Variants in NSDHL observed in about 807,000 individuals in gnomAD.
The protein encoded by NSDHL is NAD(P) dependent 3-beta-hydroxysteroid dehydrogenase NSDHL, also known as sterol-4-alpha-carboxylate 3-dehydrogenase, decarboxylating.
Under a neutral mutation model 23.0 loss-of-function variants are expected in NSDHL, and 1 was observed. The observed-to-expected ratio is 0.04, with a 90% CI of 0.02 to 0.21. NSDHL has a LOEUF of 0.21. NSDHL is among the 10% of genes least tolerant of loss of function. The pLI is 1.00. For missense variants in NSDHL, 237 were observed against 300.9 expected, an observed-to-expected ratio of 0.79 and a Z score of 1.57; for synonymous variants, 128 against 121.1, an observed-to-expected ratio of 1.06 and a Z score of -0.37.
In NSDHL at chrX:152,868,999, C is replaced by G. The variant is rs1222229552; in HGVS notation, c.1005C>G (p.Phe335Leu). 2 of 1,210,219 alleles carry G rather than the reference C, an allele frequency of 1.7e-6. No individual in the cohort carries two copies. Among genetic ancestry groups the G allele is most frequent in the Non-Finnish European group, 2.2e-6 (2 of 895,055 alleles). Residue 335 changes from phenylalanine to leucine, a missense_variant, in exon 8 of 8, where the codon TTC becomes TTG. Around this residue, in one of 3 missense-constraint regions of NSDHL, gnomAD observed 117 missense variants for 99.5 expected, o/e 1.18. Transcript: ENST00000370274. ...TGCGGGTCGCACTGGCTGGCACATT[C>G]CACTACTACAGCTGCGAGAGAGCCA... ...TPMRVALAGT[F>L]HYYSCERAKK... is the part of the protein sequence containing the mutation.
intron 4 of NSDHL, 121 bp from the exon 5 acceptor site, chrX:152,862,475 T>C: frequency 1.6e-6 from 1 of 642,692 alleles, no homozygotes; most frequent in Non-Finnish European, 2.5e-6. Context: ...AAATAATTTC[T>C]TCAGTGCCTC....
intron 3 of NSDHL, among the ~76,000 whole-genome samples, chrX:152,856,107 C>CA (rs1556846925): frequency 3.6e-5 from 4 of 111,680 alleles, no homozygotes; most frequent in African/African-American, 1.3e-4. Flanking sequence ...CTGGGTTTTG[C>CA]CGATTACATC....
rs1489703712 is a variant in NSDHL, at chrX:152,862,591, G to A, written c.415-5G>A. The A allele has an allele frequency of 1.7e-6, 2 of 1,206,181 alleles. 1 individual carries two copies. The highest frequency in any genetic ancestry group is 2.2e-6 in the Non-Finnish European group (2 of 891,939). ...CTTTTATTTTTTCTGACCTTCCTCT[G>A]TCAGAAACTCATTTTAACCAGCAGT... On this transcript the variant is annotated splice_region_variant and splice_polypyrimidine_tract_variant and intron_variant, in intron 4 of 7. Coordinates refer to ENST00000370274, the MANE Select transcript of NSDHL (RefSeq NM_015922.3).
intron 4 of NSDHL, among the ~76,000 whole-genome samples, chrX:152,860,797 A>T (rs1933515385): frequency 8.9e-6 from 1 of 112,258 alleles, no homozygotes; most frequent in African/African-American, 3.2e-5. Context: ...AAACAACATT[A>T]CTGGCATGTG....
Position 152,869,269 on chromosome X carries a change from T to C in NSDHL, c.*153T>C. 1.9e-6 allele frequency: 1 copy of C among 519,095 alleles called. No homozygotes were observed. Among genetic ancestry groups the C allele is most frequent in the Non-Finnish European group, 3.4e-6 (1 of 296,010 alleles). 42.8% of individuals were successfully genotyped at this position (519,095 alleles called of 1,213,427 possible). A position where few individuals can be genotyped will look rare whatever the true frequency, so the allele number is the denominator to read the frequency against. ...GCGCACCCTACTCTTTCCGTGACGA[T>C]GAGGGCGGCAAAAACAGACATTTCT... On this transcript the variant is annotated 3_prime_UTR_variant, in exon 8 of 8. Transcript: ENST00000370274.
chrX:152,869,458 G>A lies in NSDHL; in HGVS notation c.*342G>A, dbSNP rs1933674803. The A allele has an allele frequency of 2.7e-5, 8 of 291,982 alleles. No individual in the cohort carries two copies. Among genetic ancestry groups the A allele is most frequent in the Admixed American group, 5.0e-5 (1 of 20,165 alleles). The allele number at this position is 291,982 out of a possible 1,213,427, so 24.1% of individuals were successfully genotyped here. A position where few individuals can be genotyped will look rare whatever the true frequency, so the allele number is the denominator to read the frequency against. The stretch of plus-strand genomic sequence containing the variant: ...TTGTACATAATCAAGGAAGCTGTAG[G>A]AAGCTACAACCCATTTGTTAGTTCT... On this transcript the variant is annotated 3_prime_UTR_variant, in exon 8 of 8. Transcript: ENST00000370274.
chrX:152,834,183 TG>T (rs1933057007), intron 1 of NSDHL, among the ~76,000 whole-genome samples: 1 of 111,821 alleles, frequency 8.9e-6, no homozygotes, highest in African/African-American at 3.3e-5. Context: ...TCACCTTCCC[TG>T]GGGAGGGGGA....
intron 6 of NSDHL, 105 bp downstream of exon 6, chrX:152,866,066 G>T: frequency 1.1e-6 from 1 of 916,848 alleles, no homozygotes; most frequent in South Asian, 2.0e-5. Context: ...TTTCTTATGT[G>T]ACTGTCTTGG....
intron 2 of NSDHL, among the ~76,000 whole-genome samples, chrX:152,848,649 G>A (rs782049283): frequency 5.3e-5 from 6 of 112,402 alleles, no homozygotes; most frequent in Non-Finnish European, 1.1e-4. Context: ...AAATAAACAA[G>A]GCAGTCTGAA....
intron 3 of NSDHL, among the ~76,000 whole-genome samples, chrX:152,855,468 C>T (rs943737041): frequency 9.0e-6 from 1 of 111,599 alleles, no homozygotes; most frequent in Non-Finnish European, 1.9e-5. Context: ...TATATCTGGG[C>T]CTGAGTTTTA....
chrX:152,863,234 A>C (rs1019427726), intron 5 of NSDHL, among the ~76,000 whole-genome samples: 3 of 111,943 alleles, frequency 2.7e-5, no homozygotes, highest in African/African-American at 9.8e-5. Context: ...GTTTTCCAGG[A>C]GTATTTTCCT....
At chrX:152,864,189 G>A (rs1331462911) in intron 5 of NSDHL, among the ~76,000 whole-genome samples, 5 of 112,422 alleles carry the variant, frequency 4.4e-5, no homozygotes, top group South Asian at 7.3e-4. Flanking sequence ...GATTACAGGC[G>A]TGAGCCACCA....
At chrX:152,850,775 T>G (rs1423981214) in intron 3 of NSDHL, among the ~76,000 whole-genome samples, 1 of 112,540 alleles carries the variant, frequency 8.9e-6, no homozygotes, top group Admixed American at 9.4e-5. Flanking sequence ...CTTGATTTTT[T>G]AATTGAGATA....
intron 1 of NSDHL, among the ~76,000 whole-genome samples, chrX:152,843,828 C>T (rs1337856883): frequency 2.7e-5 from 3 of 112,634 alleles, no homozygotes; most frequent in African/African-American, 9.7e-5. Flanking sequence ...TTGCGAGTCC[C>T]AGTCTTTCTT....
At chrX:152,853,840 C>T (rs1933397792) in intron 3 of NSDHL, among the ~76,000 whole-genome samples, 1 of 112,129 alleles carries the variant, frequency 8.9e-6, no homozygotes, top group Admixed American at 9.4e-5. Flanking sequence ...AACAGGCCCC[C>T]GCTGGTCTCC....
intron 1 of NSDHL, among the ~76,000 whole-genome samples, chrX:152,841,107 C>T (rs781904527): frequency 1.8e-5 from 2 of 113,028 alleles, no homozygotes; most frequent in African/African-American, 3.2e-5. Flanking sequence ...TGGGACCCTC[C>T]GAGCCAGGCA....
intron 3 of NSDHL, among the ~76,000 whole-genome samples, chrX:152,851,836 G>A (rs1324967421): frequency 3.6e-5 from 4 of 111,055 alleles, no homozygotes; most frequent in South Asian, 3.9e-4. Context: ...TGAATTCAGC[G>A]TTCATGTAGA....
chrX:152,846,388 A>G lies in NSDHL; in HGVS notation c.64A>G (p.Thr22Ala). ...CGCACGGACTCATTTGACAGAGGAC[A>G]CTCCCAAAGTGAATGCTGACATAGA... ...QVARTHLTEDTPKVNADIEKV... is the reference protein window; with the variant it reads ...QVARTHLTEDAPKVNADIEKV... Residue 22 changes from threonine to alanine, a missense_variant, in exon 2 of 8, where the codon ACT (threonine) becomes GCT (alanine). Thr to Ala is a moderately conservative substitution (Grantham distance 58). Coordinates refer to ENST00000370274, the MANE Select transcript of NSDHL (RefSeq NM_015922.3). The G allele has an allele frequency of 8.3e-7, 1 of 1,209,689 alleles. No individual in the cohort carries two copies. Among genetic ancestry groups the G allele is most frequent in the Non-Finnish European group, 1.1e-6 (1 of 893,415 alleles).
At chrX:152,866,089 G>A in intron 6 of NSDHL, 128 bp downstream of exon 6, 2 of 777,706 alleles carry the variant, frequency 2.6e-6, no homozygotes, top group Non-Finnish European at 3.9e-6. Context: ...CATGCAGGCT[G>A]CTGTAACAAA....
Sources: gnomAD v4.1 joint callset for allele counts (sites outside exome capture counted in the v4.1 genomes callset) on GRCh38, gnomAD v4.1.1 for gene constraint, gnomAD v4.1.1 regional missense constraint, MANE v1.5 for transcripts, NCBI Gene and HGNC (gene_info 2026-07-23, HGNC 2026-07-21) for gene names.